The following ADAMTS16 variants were observed in gnomAD, a reference collection of about 807,000 sequenced individuals.
ADAMTS16 encodes ADAM metallopeptidase with thrombospondin type 1 motif 16.
In ADAMTS16, 94 loss-of-function variants were observed where a neutral mutation model predicts 145.8. The ratio of observed to expected loss-of-function variants is 0.64; its 90% CI spans 0.55 to 0.77. The LOEUF is 0.77. Among genes scored for constraint, ADAMTS16 ranks in the 30% least tolerant of loss-of-function variants. The pLI is 0.00. For synonymous variants in ADAMTS16, 659 were observed against 604.3 expected (o/e 1.09, Z -1.33); for missense variants, 1,585 against 1,591.5 (o/e 1.00, Z 0.07).
At chr5:5,190,932 T>C (rs1011078026) in intron 7 of ADAMTS16, among the ~76,000 whole-genome samples, 2 of 151,710 alleles carry the variant, frequency 1.3e-5, no homozygotes, top group Non-Finnish European at 2.9e-5. Context: ...AACAGTGTGG[T>C]TTCCTTCTGA....
intron 3 of ADAMTS16, among the ~76,000 whole-genome samples, chr5:5,171,311 G>A (rs1181231394): frequency 1.3e-5 from 2 of 151,962 alleles, no homozygotes; most frequent in African/African-American, 4.8e-5. Context: ...TACTATTTTG[G>A]ATAACAGTGG....
chr5:5,173,460 C>T, intron 3 of ADAMTS16, among the ~76,000 whole-genome samples: 1 of 150,702 alleles, frequency 6.6e-6, no homozygotes, highest in Non-Finnish European at 1.5e-5. Context: ...CAAATAATAT[C>T]TTATAACTCA....
At chr5:5,263,168 C>A (rs1369214074) in intron 18 of ADAMTS16, among the ~76,000 whole-genome samples, 6 of 152,186 alleles carry the variant, frequency 3.9e-5, no homozygotes, top group Non-Finnish European at 8.8e-5. Context: ...ACAAGGCCTG[C>A]CAGTGGGGAA....
At chr5:5,151,603 ACACACG>A (rs1560924706) in intron 3 of ADAMTS16, among the ~76,000 whole-genome samples, 1 of 145,158 alleles carries the variant, frequency 6.9e-6, no homozygotes, top group African/African-American at 2.6e-5. Context: ...TTATACACAC[ACACACG>A]CACACACACA....
At chr5:5,273,576 G>A (rs1185842550) in intron 18 of ADAMTS16, among the ~76,000 whole-genome samples, 4 of 152,230 alleles carry the variant, frequency 2.6e-5, no homozygotes, top group Non-Finnish European at 5.9e-5. Context: ...TTCAGCTACA[G>A]TGTGACGTCA....
rs150411686 is a variant in ADAMTS16, at chr5:5,317,376, A to ATACT, written c.3412-739_3412-736dup. ...ATGAATATCAGCTTTTTTAATCAGT[A>ATACT]TACTTACTTACTTACTTACTTATTT... is the stretch of plus-strand genomic sequence containing the variant. On this transcript the variant is annotated intron_variant, in intron 21 of 22. Transcript: ENST00000274181. The surrounding 1 kb of genome is among the most constrained non-coding windows in gnomAD (Gnocchi z 4.5). Among the ~76,000 whole-genome samples, 22 of 152,050 alleles carry ATACT rather than the reference A, an allele frequency of 1.4e-4. No individual in the cohort carries two copies. Among genetic ancestry groups the ATACT allele is most frequent in the East Asian group, 5.8e-4 (3 of 5,158 alleles).
At position 5,146,409 on chromosome 5, in the gene ADAMTS16, G is replaced by A; in HGVS notation, c.455G>A (p.Arg152Gln). 5.6e-6 allele frequency: 9 copies of A among 1,613,174 alleles called. No homozygotes were observed. Among genetic ancestry groups the A allele is most frequent in the Non-Finnish European group, 7.6e-6 (9 of 1,180,016 alleles). The change falls in exon 3 of 23, where the codon CGA (arginine) becomes CAA (glutamine). Residue 152 changes from arginine to glutamine, a missense_variant. Arg to Gln is a conservative substitution (Grantham distance 43). This residue lies in a region of ADAMTS16 where 453 missense variants were observed against 412.1 expected (regional missense o/e 1.10). Coordinates refer to ENST00000274181, the MANE Select transcript of ADAMTS16 (RefSeq NM_139056.4). The stretch of plus-strand genomic sequence containing the variant: ...TTCTGTTTCTATCAAGGCTCTTTGC[G>A]ATCACACAGAAACTCCTCAGTGGCC... Reference protein sequence around the residue: ...EDFCFYQGSLRSHRNSSVALS... With the variant: ...EDFCFYQGSLQSHRNSSVALS...
At chr5:5,266,973 C>T (rs1020417556) in intron 18 of ADAMTS16, among the ~76,000 whole-genome samples, 2 of 152,210 alleles carry the variant, frequency 1.3e-5, no homozygotes, top group African/African-American at 2.4e-5. Context: ...AGAATGACAT[C>T]CTCACCTCTT....
chr5:5,255,175 T>C (rs1737742061), intron 17 of ADAMTS16, among the ~76,000 whole-genome samples: 1 of 152,202 alleles, frequency 6.6e-6, no homozygotes, highest in South Asian at 2.1e-4. Context: ...TTCTTCTACA[T>C]GTAAATATTT....
At chr5:5,285,007 T>G (rs565408672) in intron 18 of ADAMTS16, among the ~76,000 whole-genome samples, 16 of 152,344 alleles carry the variant, frequency 1.1e-4, no homozygotes, top group Non-Finnish European at 1.9e-4. Flanking sequence ...GCTTTTGTTT[T>G]GGTTCTTTTG....
At chr5:5,293,548 G>A (rs887676962) in intron 18 of ADAMTS16, among the ~76,000 whole-genome samples, 3 of 152,136 alleles carry the variant, frequency 2.0e-5, no homozygotes, top group African/African-American at 7.2e-5. Flanking sequence ...GAGCTGAGGC[G>A]GGCAGGTCTG....
At position 5,319,154 on chromosome 5, in the gene ADAMTS16, C is replaced by T. The variant is rs112816140; in HGVS notation, c.*16C>T. ...CAACTTGTGAGTTGGGACCGCTCTC[C>T]GTAGCAGAGAAAGTGCCTGCGTGGC... is the stretch of plus-strand genomic sequence containing the variant. On this transcript the variant is annotated 3_prime_UTR_variant, in exon 23 of 23. Coordinates refer to ENST00000274181, the MANE Select transcript of ADAMTS16 (RefSeq NM_139056.4). 3.7e-3 allele frequency: 5,799 copies of T among 1,579,536 alleles called. 193 individuals carry two copies. In the African/African-American group the frequency reaches 0.066, roughly 18 times the overall value.
chr5:5,245,034 T>A (rs145011542), intron 17 of ADAMTS16, among the ~76,000 whole-genome samples: 150 of 152,338 alleles, frequency 9.8e-4, no homozygotes, highest in African/African-American at 3.5e-3. Context: ...CAAGATCTCA[T>A]TACTCAATTT....
intron 2 of ADAMTS16, among the ~76,000 whole-genome samples, chr5:5,144,254 C>T (rs1734238753): frequency 6.6e-6 from 1 of 152,170 alleles, no homozygotes; most frequent in Non-Finnish European, 1.5e-5. Context: ...GCATTTTGTC[C>T]AGATAATCTA....
chr5:5,314,130 A>C (rs1038055587), intron 21 of ADAMTS16, among the ~76,000 whole-genome samples: 3 of 152,174 alleles, frequency 2.0e-5, no homozygotes, highest in African/African-American at 7.2e-5. Flanking sequence ...TCCTGAAATG[A>C]GCATGGACAT....
intron 17 of ADAMTS16, among the ~76,000 whole-genome samples, chr5:5,257,490 G>GTGATGCAAACTGGGATA (rs1737828174): frequency 6.6e-6 from 1 of 152,164 alleles, no homozygotes; most frequent in East Asian, 1.9e-4. Context: ...AAACTGGGAT[G>GTGATGCAAACTGGGATA]TAATGCAAAT....
intron 3 of ADAMTS16, among the ~76,000 whole-genome samples, chr5:5,171,923 T>A (rs1272275241): frequency 6.6e-6 from 1 of 152,198 alleles, no homozygotes; most frequent in African/African-American, 2.4e-5. Context: ...AGGAGATTTT[T>A]AATCATGGCT....
In ADAMTS16 at chr5:5,235,032, G is replaced by C; in HGVS notation, c.1869G>C (p.Lys623Asn). 6.3e-7 allele frequency: 1 copy of C among 1,584,036 alleles called. No individual in the cohort carries two copies. Among genetic ancestry groups the C allele is most frequent in the Non-Finnish European group, 8.6e-7 (1 of 1,157,740 alleles). Residue 623 changes from lysine (K) to asparagine (N), a missense_variant, in exon 13 of 23, where the codon AAG becomes AAC. By Grantham distance (94) the Lys-to-Asn change is moderately conservative (BLOSUM62 0). Coordinates refer to ENST00000274181, the MANE Select transcript of ADAMTS16 (RefSeq NM_139056.4). ...ATTCCAGGCCATCGCATGGAGGGAA[G>C]TTCTGTGAGGGCTCCACTCGCACTC... The part of the protein sequence containing the change: ...CTNPKPSHGG[K>N]FCEGSTRTLK...
At chr5:5,153,798 G>A (rs16874878) in intron 3 of ADAMTS16, among the ~76,000 whole-genome samples, 29,651 of 151,980 alleles carry the variant, frequency 0.2, 2,960 homozygotes, top group East Asian at 0.31. Context: ...AATTTAATTC[G>A]TCTTGCATAA....
Sources: gnomAD v4.1 joint callset for allele counts (sites outside exome capture counted in the v4.1 genomes callset) on GRCh38, gnomAD v4.1.1 for gene constraint, gnomAD v4.1.1 regional missense constraint, Gnocchi (gnomAD v3.1) non-coding constraint, MANE v1.5 for transcripts, NCBI Gene and HGNC (gene_info 2026-07-23, HGNC 2026-07-21) for gene names.